FBN2: variants seen among roughly 807,000 people sequenced by gnomAD.
FBN2 encodes the protein fibrillin 2.
In FBN2, 105 loss-of-function variants were observed where a neutral mutation model predicts 355.6. That is an observed-to-expected ratio of 0.30 (90% confidence interval 0.25 to 0.35). FBN2 has a LOEUF of 0.35. FBN2 is among the 10% of genes least tolerant of loss of function. The pLI is 1.00. For missense variants in FBN2, 3,280 were observed against 3,758.7 expected (o/e 0.87, Z 3.33); for synonymous variants, 1,350 against 1,301.2 (o/e 1.04, Z -0.81).
At chr5:128,306,468 A>G (rs1749882979) in intron 42 of FBN2, among the ~76,000 whole-genome samples, 1 of 152,014 alleles carries the variant, frequency 6.6e-6, no homozygotes, top group Non-Finnish European at 1.5e-5. Context: ...TAAAAATACA[A>G]AAAATTAGCC....
At chr5:128,391,930 A>T (rs534963542) in intron 11 of FBN2, 88 bp downstream of exon 11, 1 of 1,275,982 alleles carries the variant, frequency 7.8e-7, no homozygotes, top group African/African-American at 1.5e-5. Context: ...CAAAAGACTT[A>T]AAAAAATCAT....
intron 46 of FBN2, among the ~76,000 whole-genome samples, chr5:128,301,999 A>G (rs1400832902): frequency 6.6e-6 from 1 of 152,234 alleles, no homozygotes; most frequent in Non-Finnish European, 1.5e-5. Context: ...TAATTGAAAG[A>G]AAAAAGACAT....
intron 55 of FBN2, among the ~76,000 whole-genome samples, chr5:128,283,120 G>A (rs988371568): frequency 3.3e-5 from 5 of 152,090 alleles, no homozygotes; most frequent in Non-Finnish European, 4.4e-5. Context: ...TTTCTCCAAG[G>A]CCAGCTCTTG....
At chr5:128,424,650 G>A (rs1753440336) in intron 7 of FBN2, among the ~76,000 whole-genome samples, 1 of 152,124 alleles carries the variant, frequency 6.6e-6, no homozygotes, top group Admixed American at 6.6e-5. Flanking sequence ...TAGGAACTAA[G>A]GGAACTTTTT....
intron 8 of FBN2, among the ~76,000 whole-genome samples, chr5:128,399,941 A>C (rs565032563): frequency 6.6e-6 from 1 of 152,234 alleles, no homozygotes; most frequent in African/African-American, 2.4e-5. Context: ...AGGAAGCACA[A>C]GGACTATGGT....
chr5:128,436,690 A>G (rs1753776505), intron 7 of FBN2, among the ~76,000 whole-genome samples: 1 of 151,852 alleles, frequency 6.6e-6, no homozygotes, highest in Non-Finnish European at 1.5e-5. Flanking sequence ...AAGAAAAAAA[A>G]GTATGGAAAT....
Position 128,395,183 on chromosome 5 carries a change from A to G in FBN2, c.1170T>C (p.Cys390=). ...CGATGCCCCAGCAGCGGCCAGGCTC[A>G]CAGCAGCACTGCATTTTCGTCATTC... ...PGRMTKMQCC[C]EPGRCWGIGT... The change falls in exon 9 of 65, where the codon TGT becomes TGC. Residue 390 remains cysteine (C), a synonymous_variant. Coordinates refer to ENST00000262464, the MANE Select transcript of FBN2 (RefSeq NM_001999.4). 1 of 1,614,186 alleles carries G rather than the reference A, an allele frequency of 6.2e-7. No homozygotes were observed. The highest frequency in any genetic ancestry group is 8.5e-7 in the Non-Finnish European group (1 of 1,180,026).
intron 48 of FBN2, among the ~76,000 whole-genome samples, chr5:128,300,544 C>T (rs996448640): frequency 7.2e-5 from 11 of 152,304 alleles, no homozygotes; most frequent in South Asian, 6.2e-4. Context: ...CACTGAAAGT[C>T]GCTGCTGACA....
At chr5:128,465,013 C>A (rs765702243) in intron 5 of FBN2, 92 bp from the exon 6 acceptor site, 5 of 1,231,146 alleles carry the variant, frequency 4.1e-6, no homozygotes, top group Non-Finnish European at 6.0e-6. Flanking sequence ...GAGACTATTT[C>A]TTCTGACCAA....
intron 5 of FBN2, among the ~76,000 whole-genome samples, chr5:128,492,803 CAAAAAAAA>C (rs578258680): frequency 2.3e-5 from 1 of 43,776 alleles, no homozygotes; most frequent in African/African-American, 5.6e-5. Context: ...AACTCCATCT[CAAAAAAAA>C]AAAAAAAAAA....
intron 39 of FBN2, among the ~76,000 whole-genome samples, chr5:128,310,400 ATATTTTT>A (rs1429749505): frequency 1.1e-3 from 14 of 13,266 alleles, no homozygotes; most frequent in East Asian, 2.8e-3. Flanking sequence ...ATATATATAT[ATATTTTT>A]TTTTTTTTTT....
chr5:128,487,020 C>T (rs1025784707), intron 5 of FBN2, among the ~76,000 whole-genome samples: 2 of 152,178 alleles, frequency 1.3e-5, no homozygotes, highest in African/African-American at 4.8e-5. Context: ...TTCCCAATAT[C>T]CAATTTTCCT....
chr5:128,270,833 A>C (rs1346615915), intron 62 of FBN2, among the ~76,000 whole-genome samples: 1 of 152,226 alleles, frequency 6.6e-6, no homozygotes, highest in Non-Finnish European at 1.5e-5. Context: ...GGGCATAAGG[A>C]GTTCTACAAC....
At chr5:128,295,982 A>G (rs1376670435) in intron 48 of FBN2, among the ~76,000 whole-genome samples, 3 of 150,576 alleles carry the variant, frequency 2.0e-5, no homozygotes, top group Non-Finnish European at 4.4e-5. Context: ...TTTGTCATAG[A>G]TAGCTCTTAC....
intron 48 of FBN2, among the ~76,000 whole-genome samples, chr5:128,298,469 T>C (rs1749593917): frequency 6.6e-6 from 1 of 152,190 alleles, no homozygotes; most frequent in African/African-American, 2.4e-5. Flanking sequence ...CACTTTCAGG[T>C]ACACCAATCA....
At chr5:128,329,130 T>C (rs1750628303) in intron 33 of FBN2, among the ~76,000 whole-genome samples, 1 of 152,216 alleles carries the variant, frequency 6.6e-6, no homozygotes, top group African/African-American at 2.4e-5. Flanking sequence ...TTGTCAGTAG[T>C]ATGCCAACAT....
At position 128,436,076 on chromosome 5, in the gene FBN2, G is replaced by A. The variant is rs188723347; in HGVS notation, c.952+10405C>T. On this transcript the variant is annotated intron_variant, in intron 7 of 64. Transcript: ENST00000262464. ...ATATGGCTGTTAGTTAACTAACACC[G>A]TCAAGGTGCTGTCCAAGTTGCTTAA... Among the ~76,000 whole-genome samples the A allele has an allele frequency of 1.8e-4, 28 of 152,298 alleles. 1 individual carries two copies. The highest frequency in any genetic ancestry group is 7.2e-4 in the Admixed American group (11 of 15,302).
chr5:128,335,635 T>C, intron 28 of FBN2, 58 bp from the exon 29 acceptor site: 1 of 1,606,290 alleles, frequency 6.2e-7, no homozygotes, highest in Non-Finnish European at 8.5e-7. Context: ...AGGAGTTTTC[T>C]TCTTTTTAAA....
chr5:128,443,809 G>A (rs1422096790), intron 7 of FBN2, among the ~76,000 whole-genome samples: 3 of 152,080 alleles, frequency 2.0e-5, no homozygotes, highest in African/African-American at 7.2e-5. Flanking sequence ...TATTTGCACT[G>A]TAATTCACAT....
Sources: gnomAD v4.1 joint callset for allele counts (sites outside exome capture counted in the v4.1 genomes callset) on GRCh38, gnomAD v4.1.1 for gene constraint, MANE v1.5 for transcripts, NCBI Gene and HGNC (gene_info 2026-07-23, HGNC 2026-07-21) for gene names.